CORO2A: variants seen among roughly 807,000 people sequenced by gnomAD.
The protein encoded by CORO2A is coronin-2A.
In CORO2A, 47 loss-of-function variants were observed where a neutral mutation model predicts 62.4. That is an observed-to-expected ratio of 0.75 (90% CI 0.60 to 0.96). The LOEUF is 0.96. Among genes scored for constraint, CORO2A ranks in the 40% least tolerant of loss-of-function variants. The pLI is 0.00. For synonymous variants in CORO2A, 273 were observed against 268.9 expected (o/e 1.02, Z -0.15); for missense variants, 610 against 684.1 (o/e 0.89, Z 1.21).
intron 1 of CORO2A, among the ~76,000 whole-genome samples, chr9:98,187,720 C>T (rs1303774748): frequency 6.6e-6 from 1 of 152,134 alleles, no homozygotes; most frequent in Non-Finnish European, 1.5e-5. Context: ...AAAAGCCCCA[C>T]CTCTTAATAC....
intron 2 of CORO2A, among the ~76,000 whole-genome samples, chr9:98,147,061 G>A (rs13440247): frequency 0.024 from 3,681 of 152,172 alleles, 142 homozygotes; most frequent in African/African-American, 0.083. Flanking sequence ...GAGCCCAAGA[G>A]TTTGAGACCA....
chr9:98,178,636 G>A (rs1363097952), intron 1 of CORO2A, among the ~76,000 whole-genome samples: 1 of 152,026 alleles, frequency 6.6e-6, no homozygotes, highest in Non-Finnish European at 1.5e-5. Flanking sequence ...GAGACTCCTG[G>A]ACCACATGAG....
Position 98,124,670 on chromosome 9 carries a change from A to G in CORO2A, c.*104T>C. On this transcript the variant is annotated 3_prime_UTR_variant, in exon 12 of 12. Transcript: ENST00000375077. ...GGAGAGTTTTGTTTTCTGGTAAAAA[A>G]TATAGAAATAGTGGTTGTCCTTGAG... The G allele has an allele frequency of 8.5e-7, 1 of 1,175,334 alleles. No homozygotes were observed. The highest frequency in any genetic ancestry group is 1.1e-6 in the Non-Finnish European group (1 of 893,298). 72.8% of individuals were successfully genotyped at this position (1,175,334 alleles called of 1,614,324 possible). A position where few individuals can be genotyped will look rare whatever the true frequency, so the allele number is the denominator to read the frequency against.
At chr9:98,163,756 G>A (rs1362557276) in intron 1 of CORO2A, among the ~76,000 whole-genome samples, 2 of 148,668 alleles carry the variant, frequency 1.3e-5, no homozygotes, top group Non-Finnish European at 3.0e-5. Context: ...GAGAGAGAGA[G>A]AGAGAGAGAG....
chr9:98,144,047 G>A (rs143803728), intron 2 of CORO2A, among the ~76,000 whole-genome samples: 6 of 152,150 alleles, frequency 3.9e-5, no homozygotes, highest in Admixed American at 3.3e-4. Context: ...AAATTAGTCC[G>A]GTGTAGGGAT....
At position 98,129,899 on chromosome 9, in the gene CORO2A, G is replaced by A; in HGVS notation, c.871-9C>T. ...CGGATGTTGCCATCTCCCTGAGGAGGAGGAGAAGGAAGAGGAGGGTGAGAT... is the reference window on the plus strand; with the variant it reads ...CGGATGTTGCCATCTCCCTGAGGAGAAGGAGAAGGAAGAGGAGGGTGAGAT... On this transcript the variant is annotated splice_polypyrimidine_tract_variant and intron_variant, in intron 7 of 11. Coordinates refer to ENST00000375077, the MANE Select transcript of CORO2A (RefSeq NM_052820.4). The A allele has an allele frequency of 2.5e-6, 4 of 1,607,716 alleles. No individual in the cohort carries two copies. The South Asian group carries it at 3.3e-5, about 13-fold the overall frequency.
intron 1 of CORO2A, among the ~76,000 whole-genome samples, chr9:98,191,391 G>A (rs1001197381): frequency 6.6e-6 from 1 of 152,228 alleles, no homozygotes; most frequent in African/African-American, 2.4e-5. Flanking sequence ...TCTTGCCTTG[G>A]CTCCCTGGGA....
intron 1 of CORO2A, among the ~76,000 whole-genome samples, chr9:98,175,536 C>T (rs907932538): frequency 5.9e-5 from 9 of 152,214 alleles, no homozygotes; most frequent in South Asian, 4.1e-4. Context: ...TGTGAAAGCC[C>T]CTCTCTGGGC....
chr9:98,141,621 T>C (rs377597653), intron 2 of CORO2A, among the ~76,000 whole-genome samples: 1 of 152,224 alleles, frequency 6.6e-6, no homozygotes, highest in East Asian at 1.9e-4. Context: ...TCCAAAGTGC[T>C]GGGATTATAG....
At chr9:98,159,624 C>T (rs1033440098) in intron 1 of CORO2A, among the ~76,000 whole-genome samples, 1 of 151,792 alleles carries the variant, frequency 6.6e-6, no homozygotes, top group African/African-American at 2.4e-5. Flanking sequence ...CCGCCCCTTC[C>T]CTAGCTCCCA....
At chr9:98,126,896 A>G in intron 10 of CORO2A, 73 bp from the exon 11 acceptor site, 1 of 1,525,400 alleles carries the variant, frequency 6.6e-7, no homozygotes, top group South Asian at 1.1e-5. Context: ...CCAATGACAC[A>G]GGCAGGCATG....
In CORO2A at chr9:98,133,041, G is replaced by C. The variant is rs903056111; in HGVS notation, c.645C>G (p.Leu215=). 2.5e-6 allele frequency: 4 copies of C among 1,614,068 alleles called. No individual in the cohort carries two copies. Among genetic ancestry groups the C allele is most frequent in the Non-Finnish European group, 3.4e-6 (4 of 1,180,022 alleles). Residue 215 remains leucine, a synonymous_variant, in exon 5 of 12, where the codon CTC becomes CTG. Coordinates refer to ENST00000375077, the MANE Select transcript of CORO2A (RefSeq NM_052820.4). ...CAGCCCCTGGCCCAGAACTGACCTG[G>C]AGGACGGTCCCTGCTCGGGGGTCAA... The part of the protein sequence containing the change: ...RVIDPRAGTV[L]QEASYKGHRA...
At position 98,121,861 on chromosome 9, in the gene CORO2A, A is replaced by G. The variant is rs1827249087; in HGVS notation, c.*2913T>C. On this transcript the variant is annotated 3_prime_UTR_variant, in exon 12 of 12. Coordinates refer to ENST00000375077, the MANE Select transcript of CORO2A (RefSeq NM_052820.4). ...TGGGAAAGGTAAGCCTATCCTGTAGAGCTCTGCTGCCCTGACAATGCCTGG... is the reference window on the plus strand; with the variant it reads ...TGGGAAAGGTAAGCCTATCCTGTAGGGCTCTGCTGCCCTGACAATGCCTGG... 1 of 152,262 alleles carries G rather than the reference A, an allele frequency of 6.6e-6. No individual in the cohort carries two copies. Among genetic ancestry groups the G allele is most frequent in the Non-Finnish European group, 1.5e-5 (1 of 68,118 alleles). The allele number at this position is 152,262 out of a possible 1,614,324, so 9.4% of individuals were successfully genotyped here.
At chr9:98,157,775 A>G (rs1827827110) in intron 1 of CORO2A, 115 bp from the exon 2 acceptor site, 1 of 926,424 alleles carries the variant, frequency 1.1e-6, no homozygotes, top group Non-Finnish European at 1.7e-6. Context: ...TGGTCAGTTC[A>G]ACGTGGACGG....
chr9:98,125,380 G>A (rs891736791), intron 11 of CORO2A, among the ~76,000 whole-genome samples: 1 of 152,194 alleles, frequency 6.6e-6, no homozygotes. Context: ...CAGTGCTAGT[G>A]TCCCCACCGT....
intron 2 of CORO2A, among the ~76,000 whole-genome samples, chr9:98,147,464 T>C (rs2118848194): frequency 6.6e-6 from 1 of 152,346 alleles, no homozygotes; most frequent in Admixed American, 6.5e-5. Context: ...AAGTTCATCA[T>C]ATTATTTTTA....
At chr9:98,150,817 T>C (rs1179997395) in intron 2 of CORO2A, among the ~76,000 whole-genome samples, 1 of 152,254 alleles carries the variant, frequency 6.6e-6, no homozygotes, top group Non-Finnish European at 1.5e-5. Context: ...CCTTCCCATT[T>C]TGACCTTTTT....
chr9:98,149,544 G>A (rs1827694813), intron 2 of CORO2A, among the ~76,000 whole-genome samples: 2 of 152,258 alleles, frequency 1.3e-5, no homozygotes, highest in South Asian at 2.1e-4. Flanking sequence ...GACTGCAGGG[G>A]AGCTTCCAAT....
At position 98,165,099 on chromosome 9, in the gene CORO2A, G is replaced by A. The variant is rs528333794; in HGVS notation, c.1-7439C>T. Among the ~76,000 whole-genome samples, 108 of 150,952 alleles carry A rather than the reference G, an allele frequency of 7.2e-4. 1 individual carries two copies. Among genetic ancestry groups the A allele is most frequent in the East Asian group, 2.3e-3 (12 of 5,168 alleles). Reference sequence around the variant, plus strand: ...TCCTCTGGCTTCAGCCTCCTGCATAGCTAAGAACAAGCATGTACCACCGTG... The same window carrying A: ...TCCTCTGGCTTCAGCCTCCTGCATAACTAAGAACAAGCATGTACCACCGTG... On this transcript the variant is annotated intron_variant, in intron 1 of 11. Coordinates refer to ENST00000375077, the MANE Select transcript of CORO2A (RefSeq NM_052820.4).
Sources: allele counts gnomAD v4.1 joint callset (sites outside exome capture counted in the v4.1 genomes callset), GRCh38; gene constraint gnomAD v4.1.1; transcripts MANE v1.5; gene names NCBI Gene and HGNC (gene_info 2026-07-23, HGNC 2026-07-21).